Variants in OCIAD1 observed in about 807,000 individuals in gnomAD.
OCIAD1 encodes the protein OCIA domain containing 1, also known as OCIA domain-containing protein 1.
A neutral mutation model predicts 38.9 loss-of-function variants in OCIAD1; 29 were observed. The observed-to-expected ratio is 0.74, with a 90% confidence interval of 0.55 to 1.02. OCIAD1 has a LOEUF of 1.02. Among genes scored for constraint, OCIAD1 ranks in the 50% least tolerant of loss-of-function variants. The probability of loss-of-function intolerance (pLI) is 0.00; values close to 1 mark genes in which losing one functional copy is unlikely to be tolerated. For synonymous variants in OCIAD1, 110 were observed against 92.0 expected, an observed-to-expected ratio of 1.20 and a Z score of -1.12; for missense variants, 288 against 289.6, an observed-to-expected ratio of 0.99 and a Z score of 0.04.
chr4:48,806,475 G>A (rs1777026114), intron 1 of OCIAD1, among the ~76,000 whole-genome samples: 1 of 151,128 alleles, frequency 6.6e-6, no homozygotes, highest in South Asian at 2.1e-4. Flanking sequence ...AATTTATAAA[G>A]AATGTTTAAA....
intron 1 of OCIAD1, among the ~76,000 whole-genome samples, chr4:48,807,549 T>A (rs1047422038): frequency 1.8e-4 from 28 of 152,330 alleles, no homozygotes; most frequent in African/African-American, 6.5e-4. Flanking sequence ...TGACTCATAC[T>A]AAGTGTGTAA....
rs1430207822 is a variant in OCIAD1, at chr4:48,857,291, C to CAGATTAAAG, written c.627_628insGATTAAAGA (p.Ser209_Tyr210insAspTer). ...GAATTAAGGAATAAGAACAGAGAGT[C>CAGATTAAAG]ATATGAAGTATCTTTAACACAAAAG... On this transcript the variant is annotated stop_gained and inframe_insertion, in exon 8 of 9. Coordinates refer to ENST00000264312, the MANE Select transcript of OCIAD1 (RefSeq NM_017830.4). LOFTEE classifies it high-confidence loss of function. 6.3e-7 allele frequency: 1 copy of CAGATTAAAG among 1,599,948 alleles called. No homozygotes were observed. The highest frequency in any genetic ancestry group is 1.3e-5 in the African/African-American group (1 of 74,250).
chr4:48,830,413 A>C (rs1297198578), upstream of OCIAD1, among the ~76,000 whole-genome samples: 1 of 152,238 alleles, frequency 6.6e-6, no homozygotes, highest in South Asian at 2.1e-4. Flanking sequence ...AGTACATGGC[A>C]CTAATAAATA....
chr4:48,814,889 A>G (rs1777129725), intron 1 of OCIAD1, among the ~76,000 whole-genome samples: 1 of 152,242 alleles, frequency 6.6e-6, no homozygotes, highest in African/African-American at 2.4e-5. Flanking sequence ...CATGGGCTCC[A>G]TGATTTTATT....
At chr4:48,843,466 C>CT (rs1778712554) in intron 4 of OCIAD1, among the ~76,000 whole-genome samples, 1 of 152,110 alleles carries the variant, frequency 6.6e-6, no homozygotes, top group Non-Finnish European at 1.5e-5. Flanking sequence ...AAGATTTAGC[C>CT]TTTTCACATT....
intron 3 of OCIAD1, chr4:48,837,267 T>G (rs1317215377): frequency 6.6e-6 from 1 of 151,228 alleles, no homozygotes; most frequent in East Asian, 1.9e-4. Context: ...GCCATCGTTT[T>G]TTTTTTTTTG....
intron 3 of OCIAD1, among the ~76,000 whole-genome samples, chr4:48,841,439 A>G (rs1008730664): frequency 2.0e-5 from 3 of 152,116 alleles, no homozygotes; most frequent in African/African-American, 7.2e-5. Context: ...AGGGAGTGTA[A>G]ATTTCTCCAA....
chr4:48,857,176 C>T, intron 7 of OCIAD1, 37 bp from the exon 8 acceptor site: 3 of 1,362,562 alleles, frequency 2.2e-6, no homozygotes, highest in Non-Finnish European at 2.9e-6. Context: ...TTATACAAAT[C>T]CTTTTATTAC....
chr4:48,829,793 T>C (rs1444624750), upstream of OCIAD1, among the ~76,000 whole-genome samples: 1 of 152,196 alleles, frequency 6.6e-6, no homozygotes, highest in African/African-American at 2.4e-5. Flanking sequence ...ATCTCAGGGA[T>C]TTATTTGGTT....
intron 1 of OCIAD1, chr4:48,831,631 T>G: frequency 9.5e-7 from 1 of 1,054,630 alleles, no homozygotes; most frequent in Non-Finnish European, 1.3e-6. Context: ...GCCCTGACAG[T>G]CTTCCTGGTG....
At position 48,840,803 on chromosome 4, in the gene OCIAD1, C is replaced by T. The variant is rs144430698; in HGVS notation, c.140-1833C>T. Among the ~76,000 whole-genome samples the T allele has an allele frequency of 1.5e-3, 231 of 150,018 alleles. 4 individuals carry two copies. The highest frequency in any genetic ancestry group is 5.3e-3 in the African/African-American group (216 of 40,762). ...CTTGAACCAAGGAGATCGAGACCAGCCTGGGCAACTTGGCGAAACCTCATC... is the reference window on the plus strand; with the variant it reads ...CTTGAACCAAGGAGATCGAGACCAGTCTGGGCAACTTGGCGAAACCTCATC... On this transcript the variant is annotated intron_variant, in intron 3 of 8. Transcript: ENST00000264312.
intron 1 of OCIAD1, among the ~76,000 whole-genome samples, chr4:48,810,894 C>CTTTTTTTTTTTTTTTTTTTT (rs869120091): frequency 1.6e-5 from 1 of 64,236 alleles, no homozygotes; most frequent in Non-Finnish European, 3.4e-5. Context: ...TTCTTTCTTT[C>CTTTTTTTTTTTTTTTTTTTT]TTTTTTTTTT....
intron 1 of OCIAD1, among the ~76,000 whole-genome samples, chr4:48,807,937 C>T (rs1777045463): frequency 6.6e-6 from 1 of 152,148 alleles, no homozygotes; most frequent in Admixed American, 6.5e-5. Context: ...TCGGCACTGT[C>T]ACTTTGTATC....
chr4:48,806,011 A>G (rs1464634170), intron 1 of OCIAD1, among the ~76,000 whole-genome samples: 1 of 152,234 alleles, frequency 6.6e-6, no homozygotes, highest in Non-Finnish European at 1.5e-5. Flanking sequence ...TCACGCCTGT[A>G]ATCCCAACAC....
chr4:48,858,438 G>A (rs998380423), intron 8 of OCIAD1, among the ~76,000 whole-genome samples: 15 of 151,990 alleles, frequency 9.9e-5, no homozygotes, highest in Admixed American at 7.2e-4. Flanking sequence ...GGTTTTTCTC[G>A]TGTTTTTTTG....
rs1560438077 is a variant in OCIAD1 at position 48,852,876 on chromosome 4, T to TTTTTGTTTTTTG, written c.547+905_547+906insGTTTTTTGTTTT. Reference sequence around the variant, plus strand: ...AAGGTTTAAGCCAAGTTTTTTTTTGTTTTTTGTTTTTTTTTTTTTTTTTGA... The same window carrying TTTTTGTTTTTTG: ...AAGGTTTAAGCCAAGTTTTTTTTTGTTTTTGTTTTTTGTTTTTGTTTTTTTTTTTTTTTTTGA... On this transcript the variant is annotated intron_variant, in intron 7 of 8. Coordinates refer to ENST00000264312, the MANE Select transcript of OCIAD1 (RefSeq NM_017830.4). Among the ~76,000 whole-genome samples the TTTTTGTTTTTTG allele has an allele frequency of 2.4e-4, 33 of 136,740 alleles. 1 individual carries two copies. Among genetic ancestry groups the TTTTTGTTTTTTG allele is most frequent in the Middle Eastern group, 3.7e-3 (1 of 268 alleles). 89.7% of individuals were successfully genotyped at this position (136,740 alleles called of 152,430 possible).
intron 3 of OCIAD1, among the ~76,000 whole-genome samples, chr4:48,840,734 C>T (rs1167216289): frequency 1.3e-5 from 2 of 151,520 alleles, no homozygotes; most frequent in Non-Finnish European, 1.5e-5. Flanking sequence ...CAGTGGCTCA[C>T]GCCTGTAATC....
chr4:48,856,314 G>A (rs1003176777), intron 7 of OCIAD1: 5 of 152,154 alleles, frequency 3.3e-5, no homozygotes, highest in African/African-American at 9.7e-5. Context: ...CATTGCATCT[G>A]TTAGACTGGA....
intron 1 of OCIAD1, among the ~76,000 whole-genome samples, chr4:48,815,091 A>T (rs1330572457): frequency 6.6e-6 from 1 of 152,178 alleles, no homozygotes; most frequent in African/African-American, 2.4e-5. Context: ...AGGTGGGCAG[A>T]TCATGAGGTC....
Sources: allele counts gnomAD v4.1 joint callset (sites outside exome capture counted in the v4.1 genomes callset), GRCh38; gene constraint gnomAD v4.1.1; transcripts MANE v1.5; gene names NCBI Gene and HGNC (gene_info 2026-07-23, HGNC 2026-07-21).